The following LRMDA variants were observed in gnomAD, a reference collection of about 807,000 sequenced individuals.
LRMDA encodes leucine rich melanocyte differentiation associated.
Under a neutral mutation model 29.8 loss-of-function variants are expected in LRMDA, and 18 were observed. That is an observed-to-expected ratio of 0.60 (90% confidence interval 0.42 to 0.90). The LOEUF is 0.90. LRMDA is among the 40% of genes least tolerant of loss of function. The pLI is 0.00. For missense variants in LRMDA, 273 were observed against 273.9 expected, an observed-to-expected ratio of 1.00 and a Z score of 0.02; for synonymous variants, 125 against 109.4, an observed-to-expected ratio of 1.14 and a Z score of -0.89.
At chr10:76,159,299 T>A (rs1414653798) in intron 5 of LRMDA, among the ~76,000 whole-genome samples, 1 of 152,222 alleles carries the variant, frequency 6.6e-6, no homozygotes, top group Non-Finnish European at 1.5e-5. Flanking sequence ...CCACATCTTC[T>A]GTCATCAGGG....
intron 2 of LRMDA, among the ~76,000 whole-genome samples, chr10:75,539,789 C>T (rs1231807467): frequency 6.6e-6 from 1 of 152,086 alleles, no homozygotes; most frequent in African/African-American, 2.4e-5. Flanking sequence ...GATTTTCTCC[C>T]TCTGGCTGTA....
intron 5 of LRMDA, among the ~76,000 whole-genome samples, chr10:76,201,609 G>A (rs1371618235): frequency 6.6e-6 from 1 of 152,126 alleles, no homozygotes; most frequent in African/African-American, 2.4e-5. Flanking sequence ...TGTTGCATCT[G>A]TATCTCATCC....
At chr10:76,398,812 G>A (rs572124154) in intron 6 of LRMDA, among the ~76,000 whole-genome samples, 1 of 152,206 alleles carries the variant, frequency 6.6e-6, no homozygotes, top group Non-Finnish European at 1.5e-5. Flanking sequence ...GAAAAGGATG[G>A]TTTCTCTTGG....
intron 2 of LRMDA, among the ~76,000 whole-genome samples, chr10:75,557,896 G>A (rs151205478): frequency 1.0e-3 from 159 of 152,264 alleles, no homozygotes; most frequent in Non-Finnish European, 1.8e-3. Flanking sequence ...GTGTTTTGAT[G>A]TGTCCTTTCA....
chr10:76,270,271 T>A (rs2132320161), intron 5 of LRMDA: 1 of 152,366 alleles, frequency 6.6e-6, no homozygotes, highest in Non-Finnish European at 1.5e-5. Flanking sequence ...GGGAGCTATT[T>A]TCACTAGGAT....
chr10:75,453,300 CTG>C (rs1255345728), intron 2 of LRMDA, among the ~76,000 whole-genome samples: 1 of 152,206 alleles, frequency 6.6e-6, no homozygotes, highest in Non-Finnish European at 1.5e-5. Flanking sequence ...CTCTACCTAG[CTG>C]CTGGTTTCCT....
At chr10:76,522,777 T>C (rs1374986331) in intron 6 of LRMDA, among the ~76,000 whole-genome samples, 2 of 152,196 alleles carry the variant, frequency 1.3e-5, no homozygotes, top group African/African-American at 4.8e-5. Flanking sequence ...TGCTGATTTC[T>C]GGTGCGGGCA....
chr10:76,308,909 G>T lies in LRMDA; in HGVS notation c.517-15492G>T, dbSNP rs1840594249. On this transcript the variant is annotated intron_variant, in intron 5 of 6. Coordinates refer to ENST00000611255, the MANE Select transcript of LRMDA (RefSeq NM_001305581.2). The stretch of plus-strand genomic sequence containing the variant: ...ACAAATCAATTCAGCCTTCAGAGGG[G>T]CATCCATTGCCTTGTGATTATGTTT... Among the ~76,000 whole-genome samples the T allele has an allele frequency of 2.0e-5, 3 of 152,264 alleles. No homozygotes were observed. In the South Asian group the frequency reaches 6.2e-4, roughly 32 times the overall value.
chr10:75,652,521 G>C (rs537843589), intron 2 of LRMDA, among the ~76,000 whole-genome samples: 1 of 152,380 alleles, frequency 6.6e-6, no homozygotes, highest in South Asian at 2.1e-4. Flanking sequence ...CTTTAAACTT[G>C]TCTGTGAATA....
At chr10:76,212,787 C>T (rs939688775) in intron 5 of LRMDA, among the ~76,000 whole-genome samples, 2 of 152,028 alleles carry the variant, frequency 1.3e-5, no homozygotes, top group African/African-American at 4.8e-5. Flanking sequence ...GGAGTTTGCT[C>T]ATAATCATGG....
At chr10:75,784,674 G>T (rs963057864) in intron 2 of LRMDA, among the ~76,000 whole-genome samples, 1 of 149,866 alleles carries the variant, frequency 6.7e-6, no homozygotes, top group Non-Finnish European at 1.5e-5. Flanking sequence ...CTGCACTACA[G>T]CCTGGCGACA....
In LRMDA at chr10:75,933,899, C is replaced by G. The variant is rs187838344; in HGVS notation, c.132-102109C>G. Among the ~76,000 whole-genome samples the G allele has an allele frequency of 1.5e-3, 233 of 152,264 alleles. 1 individual carries two copies. The highest frequency in any genetic ancestry group is 3.4e-3 in the Middle Eastern group (1 of 294). On this transcript the variant is annotated intron_variant, in intron 2 of 6. Transcript: ENST00000611255. ...CTTATCTCCCTCCTAGTTGCTCACT[C>G]TTACATAGGACAGCCATGTCCAGCT...
chr10:76,359,618 T>C (rs190219320), intron 6 of LRMDA, among the ~76,000 whole-genome samples: 1 of 152,294 alleles, frequency 6.6e-6, no homozygotes, highest in Admixed American at 6.5e-5. Flanking sequence ...TTCAGTTTGC[T>C]CTGATCAAGA....
rs1481673935 is a variant in LRMDA at position 76,500,979 on chromosome 10, T to G, written c.602-56230T>G. Reference sequence around the variant, plus strand: ...GATATGGATGATCCCATCATGTAGGTAGTGAGCATAGTACCTAAGAGGTAG... The same window carrying G: ...GATATGGATGATCCCATCATGTAGGGAGTGAGCATAGTACCTAAGAGGTAG... On this transcript the variant is annotated intron_variant, in intron 6 of 6. Transcript: ENST00000611255. Among the ~76,000 whole-genome samples the G allele has an allele frequency of 2.7e-5, 2 of 73,900 alleles. 1 individual carries two copies. The highest frequency in any genetic ancestry group is 6.6e-5 in the African/African-American group (2 of 30,320). 48.5% of individuals were successfully genotyped at this position (73,900 alleles called of 152,430 possible). A position where few individuals can be genotyped will look rare whatever the true frequency, so the allele number is the denominator to read the frequency against.
intron 2 of LRMDA, among the ~76,000 whole-genome samples, chr10:76,032,152 C>T (rs913786680): frequency 2.6e-5 from 4 of 152,210 alleles, no homozygotes; most frequent in Non-Finnish European, 5.9e-5. Flanking sequence ...GGCCCGGGCC[C>T]TGGCTCTTCC....
intron 2 of LRMDA, among the ~76,000 whole-genome samples, chr10:75,446,683 G>A (rs1432288180): frequency 1.3e-5 from 2 of 152,190 alleles, no homozygotes; most frequent in Non-Finnish European, 2.9e-5. Context: ...GGAGTTACTT[G>A]TTAATGCAGC....
intron 2 of LRMDA, among the ~76,000 whole-genome samples, chr10:75,713,127 T>G (rs1235355618): frequency 6.6e-6 from 1 of 152,212 alleles, no homozygotes; most frequent in Non-Finnish European, 1.5e-5. Context: ...CTGTGCATAT[T>G]ACCAAGTGAC....
intron 2 of LRMDA, among the ~76,000 whole-genome samples, chr10:75,808,060 A>T (rs1843889548): frequency 6.6e-6 from 1 of 152,162 alleles, no homozygotes; most frequent in African/African-American, 2.4e-5. Flanking sequence ...AGGAAAATTC[A>T]CCTTTGTCTT....
At chr10:76,204,296 C>A (rs538775290) in intron 5 of LRMDA, among the ~76,000 whole-genome samples, 3 of 151,244 alleles carry the variant, frequency 2.0e-5, no homozygotes, top group African/African-American at 7.3e-5. Flanking sequence ...TGCCTGTCCA[C>A]CCATCTCTAT....
Sources: allele counts gnomAD v4.1 joint callset (sites outside exome capture counted in the v4.1 genomes callset), GRCh38; gene constraint gnomAD v4.1.1; transcripts MANE v1.5; gene names NCBI Gene and HGNC (gene_info 2026-07-23, HGNC 2026-07-21).